SAMSN1: variants seen among roughly 807,000 people sequenced by gnomAD.
SAMSN1 encodes the protein SAM domain, SH3 domain and nuclear localization signals 1.
Under a neutral mutation model 42.0 loss-of-function variants are expected in SAMSN1, and 31 were observed. That is an observed-to-expected ratio of 0.74 (90% CI 0.55 to 1.00). SAMSN1 has a LOEUF of 1.00. Ranked by LOEUF, SAMSN1 falls within the 50% of genes least tolerant of loss-of-function variation. The pLI, the probability that SAMSN1 is intolerant of heterozygous loss-of-function variation, is 0.00. For synonymous variants in SAMSN1, 178 were observed against 151.9 expected, an observed-to-expected ratio of 1.17 and a Z score of -1.26; for missense variants, 464 against 439.4, an observed-to-expected ratio of 1.06 and a Z score of -0.50.
intron 1 of SAMSN1, among the ~76,000 whole-genome samples, chr21:14,527,960 T>C (rs1978988778): frequency 6.6e-6 from 1 of 152,146 alleles, no homozygotes; most frequent in South Asian, 2.1e-4. Flanking sequence ...AATTATGATA[T>C]TCTATTTTAC....
intron 2 of SAMSN1, among the ~76,000 whole-genome samples, chr21:14,626,070 A>G (rs1189540109): frequency 6.6e-6 from 1 of 152,242 alleles, no homozygotes. Flanking sequence ...AATACTGGCT[A>G]GTCATATGTA....
chr21:14,556,257 A>G (rs1247781389), intron 2 of SAMSN1, among the ~76,000 whole-genome samples: 1 of 152,160 alleles, frequency 6.6e-6, no homozygotes, highest in African/African-American at 2.4e-5. Context: ...GGGTAAGTGT[A>G]TTGTCTACTT....
At chr21:14,545,440 G>A (rs1381456220) in intron 1 of SAMSN1, among the ~76,000 whole-genome samples, 1 of 152,052 alleles carries the variant, frequency 6.6e-6, no homozygotes, top group Non-Finnish European at 1.5e-5. Context: ...AAGTATTGGA[G>A]AAATTTTCTG....
At chr21:14,631,920 A>C (rs941712082) in intron 2 of SAMSN1, among the ~76,000 whole-genome samples, 1 of 152,268 alleles carries the variant, frequency 6.6e-6, no homozygotes, top group South Asian at 2.1e-4. Flanking sequence ...TAAGAAGAGG[A>C]AGAGAAGAAA....
chr21:14,565,166 T>C (rs1386482968), intron 2 of SAMSN1, among the ~76,000 whole-genome samples: 1 of 151,382 alleles, frequency 6.6e-6, no homozygotes, highest in Non-Finnish European at 1.5e-5. Flanking sequence ...CATGGTGGCA[T>C]GTACCTGTAA....
upstream of SAMSN1, among the ~76,000 whole-genome samples, chr21:14,584,733 G>A (rs1000486089): frequency 1.3e-5 from 2 of 152,174 alleles, no homozygotes; most frequent in Non-Finnish European, 2.9e-5. Flanking sequence ...CCATTGAACA[G>A]CTGATAAATA....
intron 5 of SAMSN1, among the ~76,000 whole-genome samples, chr21:14,607,927 C>T (rs73170070): frequency 0.019 from 2,829 of 152,208 alleles, 43 homozygotes; most frequent in Non-Finnish European, 0.033. Flanking sequence ...AATGGAATGG[C>T]GGATGAATAG....
intron 1 of SAMSN1, among the ~76,000 whole-genome samples, chr21:14,541,242 G>T (rs1246728035): frequency 6.6e-6 from 1 of 151,392 alleles, no homozygotes; most frequent in Admixed American, 6.6e-5. Context: ...TAACAAACCT[G>T]CACATGTACC....
intron 2 of SAMSN1, among the ~76,000 whole-genome samples, chr21:14,626,662 C>G (rs889254894): frequency 6.6e-6 from 1 of 152,194 alleles, no homozygotes; most frequent in Non-Finnish European, 1.5e-5. Flanking sequence ...AATAGGAACA[C>G]TTTTACACTG....
At chr21:14,595,718 G>A (rs1002611295) in intron 6 of SAMSN1, among the ~76,000 whole-genome samples, 1 of 152,140 alleles carries the variant, frequency 6.6e-6, no homozygotes, top group African/African-American at 2.4e-5. Context: ...ATAAATGTAA[G>A]GCAAGTTTGG....
intron 1 of SAMSN1, among the ~76,000 whole-genome samples, chr21:14,582,905 C>T (rs2822789): frequency 0.8 from 121,663 of 152,038 alleles, 48,976 homozygotes; most frequent in Admixed American, 0.84. Context: ...ATTATTTGCC[C>T]TACTTAAAAG....
At chr21:14,532,586 G>A (rs1437608051) in intron 1 of SAMSN1, among the ~76,000 whole-genome samples, 1 of 152,182 alleles carries the variant, frequency 6.6e-6, no homozygotes, top group Non-Finnish European at 1.5e-5. Context: ...TATAAGAGTA[G>A]TGGTAAAAAG....
rs1422018080 is a variant in SAMSN1 at position 14,490,363 on chromosome 21, G to A, written c.920-4249C>T. ...ATCCTCCTGTTTTTCTCTATCCTGG[G>A]GCCATCTCCAAAGTGGCAAAACCCA... On this transcript the variant is annotated intron_variant, in intron 7 of 7. Coordinates refer to ENST00000400566, the MANE Select transcript of SAMSN1 (RefSeq NM_022136.5). Among the ~76,000 whole-genome samples the A allele has an allele frequency of 3.9e-5, 6 of 152,094 alleles. No individual in the cohort carries two copies. The East Asian group carries it at 9.6e-4, about 24-fold the overall frequency.
At chr21:14,619,800 C>A in intron 2 of SAMSN1, 4 of 182,598 alleles carry the variant, frequency 2.2e-5, no homozygotes, top group South Asian at 2.2e-4. Flanking sequence ...TTTTAATTGC[C>A]GTGTAGAAAT....
At chr21:14,636,655 C>A (rs1386024763) in intron 2 of SAMSN1, among the ~76,000 whole-genome samples, 1 of 152,162 alleles carries the variant, frequency 6.6e-6, no homozygotes, top group African/African-American at 2.4e-5. Flanking sequence ...TTGAGACCAT[C>A]CTGGCCAACA....
exon 2 of SAMSN1, chr21:14,582,479 T>A: frequency 8.9e-7 from 1 of 1,127,298 alleles, no homozygotes; most frequent in Non-Finnish European, 1.3e-6. Flanking sequence ...CAACGTGTCA[T>A]CTTCATCTTC....
intron 1 of SAMSN1, among the ~76,000 whole-genome samples, chr21:14,525,420 C>G (rs563340668): frequency 6.6e-6 from 1 of 152,124 alleles, no homozygotes; most frequent in Non-Finnish European, 1.5e-5. Context: ...AACAACCCAG[C>G]TTCTTCAGCA....
chr21:14,510,215 T>A, intron 5 of SAMSN1, 95 bp downstream of exon 5: 10 of 1,179,660 alleles, frequency 8.5e-6, no homozygotes, highest in Non-Finnish European at 1.3e-5. Flanking sequence ...AAGAACACAC[T>A]CACACTGTCT....
chr21:14,541,144 G>T (rs902649340), intron 1 of SAMSN1, among the ~76,000 whole-genome samples: 1 of 139,880 alleles, frequency 7.1e-6, no homozygotes, highest in Non-Finnish European at 1.6e-5. Flanking sequence ...GGTTGGGGGA[G>T]GGGGGAGGGA....
Sources: gnomAD v4.1 joint callset for allele counts (sites outside exome capture counted in the v4.1 genomes callset) on GRCh38, gnomAD v4.1.1 for gene constraint, MANE v1.5 for transcripts, NCBI Gene and HGNC (gene_info 2026-07-23, HGNC 2026-07-21) for gene names.